Variants in GABRA1 observed in about 807,000 individuals in gnomAD.
The protein encoded by GABRA1 is gamma-aminobutyric acid type A receptor subunit alpha1, also known as gamma-aminobutyric acid receptor subunit alpha-1.
A neutral mutation model predicts 48.9 loss-of-function variants in GABRA1; 9 were observed. That is an observed-to-expected ratio of 0.18 (90% CI 0.11 to 0.32). The LOEUF is 0.32. GABRA1 is among the 10% of genes least tolerant of loss of function. GABRA1 has a pLI of 1.00. For synonymous variants in GABRA1, 210 were observed against 198.7 expected (o/e 1.06, Z -0.48); for missense variants, 285 against 553.8 (o/e 0.51, Z 4.87).
At position 161,871,837 on chromosome 5, in the gene GABRA1, T is replaced by A. The variant is rs1324396417; in HGVS notation, c.256-1280T>A. Among the ~76,000 whole-genome samples the A allele has an allele frequency of 2.0e-5, 3 of 152,262 alleles. No homozygotes were observed. In the East Asian group the frequency reaches 5.8e-4, roughly 29 times the overall value. On this transcript the variant is annotated intron_variant, in intron 4 of 9. Transcript: ENST00000393943. ...TGTTTCTATCTCAGTAAGCAATTAGTACTATATCTGGTGCATTATAATACA... is the reference window on the plus strand; with the variant it reads ...TGTTTCTATCTCAGTAAGCAATTAGAACTATATCTGGTGCATTATAATACA...
At chr5:161,848,998 A>T (rs2113284343) in intron 1 of GABRA1, 1 of 455,412 alleles carries the variant, frequency 2.2e-6, no homozygotes, top group South Asian at 1.5e-5. Context: ...CTGAACACGA[A>T]AACTCAACTT....
intron 3 of GABRA1, among the ~76,000 whole-genome samples, chr5:161,859,159 T>G (rs938453476): frequency 5.3e-5 from 8 of 151,758 alleles, no homozygotes; most frequent in Non-Finnish European, 1.0e-4. Context: ...ACAGCGTCAA[T>G]TAGAAGAGCG....
chr5:161,897,679 A>T lies in GABRA1; in HGVS notation c.*257A>T. The T allele has an allele frequency of 2.2e-6, 1 of 450,290 alleles. No individual in the cohort carries two copies. Among genetic ancestry groups the T allele is most frequent in the Non-Finnish European group, 3.9e-6 (1 of 254,530 alleles). 27.9% of individuals were successfully genotyped at this position (450,290 alleles called of 1,614,324 possible). On this transcript the variant is annotated 3_prime_UTR_variant, in exon 10 of 10. Coordinates refer to ENST00000393943, the MANE Select transcript of GABRA1 (RefSeq NM_001127644.2). ...CAGAAGGAGACAGAATGAGAGAGAA[A>T]AGAGGGGGAAGATGGTTCAAAGATA...
chr5:161,876,113 C>CA (rs1273361174), intron 6 of GABRA1, among the ~76,000 whole-genome samples: 1 of 151,710 alleles, frequency 6.6e-6, no homozygotes, highest in Non-Finnish European at 1.5e-5. Context: ...ACTGATGTTG[C>CA]AAAAAACACA....
At chr5:161,875,971 A>T (rs2113390522) in intron 6 of GABRA1, among the ~76,000 whole-genome samples, 1 of 152,260 alleles carries the variant, frequency 6.6e-6, no homozygotes, top group South Asian at 2.1e-4. Context: ...ATTAATGGAG[A>T]TCATTGTGTC....
In GABRA1 at chr5:161,898,310, A is replaced by G. The variant is rs946320614; in HGVS notation, c.*888A>G. The G allele has an allele frequency of 6.6e-6, 1 of 152,610 alleles. No individual in the cohort carries two copies. Among genetic ancestry groups the G allele is most frequent in the Admixed American group, 6.5e-5 (1 of 15,272 alleles). The allele number at this position is 152,610 out of a possible 1,614,324, so 9.5% of individuals were successfully genotyped here. A position where few individuals can be genotyped will look rare whatever the true frequency, so the allele number is the denominator to read the frequency against. ...ATGAAGATGTTTTTAGAGGGGCAAA[A>G]ATATTTTGCAAGCTCTGGAATTGTT... On this transcript the variant is annotated 3_prime_UTR_variant, in exon 10 of 10. Coordinates refer to ENST00000393943, the MANE Select transcript of GABRA1 (RefSeq NM_001127644.2).
At chr5:161,889,741 G>T (rs755450383) in intron 7 of GABRA1, among the ~76,000 whole-genome samples, 3 of 151,996 alleles carry the variant, frequency 2.0e-5, no homozygotes, top group Non-Finnish European at 4.4e-5. Flanking sequence ...AGGGGCAGCT[G>T]TTTGCTACTG....
intron 1 of GABRA1, chr5:161,848,877 G>C: frequency 4.6e-6 from 2 of 430,414 alleles, no homozygotes; most frequent in Admixed American, 5.1e-5. Context: ...CTGTCTCACT[G>C]TTCCATCATC....
At chr5:161,871,635 A>C (rs1041490203) in intron 4 of GABRA1, among the ~76,000 whole-genome samples, 1 of 152,178 alleles carries the variant, frequency 6.6e-6, no homozygotes, top group Non-Finnish European at 1.5e-5. Context: ...AAGCTTAAAC[A>C]GTCCCTCCTT....
chr5:161,892,308 T>C (rs1157122), intron 8 of GABRA1, among the ~76,000 whole-genome samples: 26,749 of 152,142 alleles, frequency 0.18, 3,101 homozygotes, highest in African/African-American at 0.32. Context: ...AACTGAGGAT[T>C]ATTCACCTGA....
At position 161,897,859 on chromosome 5, in the gene GABRA1, A is replaced by C. The variant is rs1183490302; in HGVS notation, c.*437A>C. ...GGTAAATTATAAATGTTTCATGAAG[A>C]AAAAATTTTAAAAATCTACGTCTTT... On this transcript the variant is annotated 3_prime_UTR_variant, in exon 10 of 10. Coordinates refer to ENST00000393943, the MANE Select transcript of GABRA1 (RefSeq NM_001127644.2). 6.4e-6 allele frequency: 1 copy of C among 156,476 alleles called. No homozygotes were observed. The highest frequency in any genetic ancestry group is 1.4e-5 in the Non-Finnish European group (1 of 70,972). The allele number at this position is 156,476 out of a possible 1,614,324, so 9.7% of individuals were successfully genotyped here.
chr5:161,882,243 T>G, intron 6 of GABRA1: 1 of 388,670 alleles, frequency 2.6e-6, no homozygotes, highest in Non-Finnish European at 4.8e-6. Flanking sequence ...TTATATGTTT[T>G]TGTCCCCACT....
At chr5:161,880,507 TA>T (rs1180811208) in intron 6 of GABRA1, among the ~76,000 whole-genome samples, 1 of 152,206 alleles carries the variant, frequency 6.6e-6, no homozygotes, top group African/African-American at 2.4e-5. Flanking sequence ...ACCATGAGGA[TA>T]ACCACAATTA....
At chr5:161,855,065 C>A (rs1757596698) in intron 3 of GABRA1, among the ~76,000 whole-genome samples, 1 of 151,438 alleles carries the variant, frequency 6.6e-6, no homozygotes, top group Non-Finnish European at 1.5e-5. Context: ...CAAAGTCACA[C>A]AGAAAACCAA....
intron 1 of GABRA1, chr5:161,848,842 A>C (rs1757324005): frequency 2.7e-6 from 1 of 376,356 alleles, no homozygotes; most frequent in Non-Finnish European, 5.2e-6. Context: ...CCATCATCTA[A>C]AGTTAAGACG....
chr5:161,863,166 T>C (rs1757926245), intron 3 of GABRA1, among the ~76,000 whole-genome samples: 1 of 151,916 alleles, frequency 6.6e-6, no homozygotes, highest in Non-Finnish European at 1.5e-5. Context: ...TGTATATATA[T>C]ATATACACAT....
At chr5:161,871,982 G>A (rs1316141158) in intron 4 of GABRA1, among the ~76,000 whole-genome samples, 1 of 152,174 alleles carries the variant, frequency 6.6e-6, no homozygotes, top group Non-Finnish European at 1.5e-5. Flanking sequence ...AAGGAGACAT[G>A]TAGTTAAGTT....
At chr5:161,850,765 G>A (rs1325414045) in intron 1 of GABRA1, 31 bp from the exon 2 acceptor site, 1 of 1,565,988 alleles carries the variant, frequency 6.4e-7, no homozygotes, top group Non-Finnish European at 8.8e-7. Flanking sequence ...TCTTGCTAGA[G>A]ACATTGATCT....
chr5:161,897,671 A>G lies in GABRA1; in HGVS notation c.*249A>G. 2.1e-6 allele frequency: 1 copy of G among 470,982 alleles called. No individual in the cohort carries two copies. 29.2% of individuals were successfully genotyped at this position (470,982 alleles called of 1,614,324 possible). On this transcript the variant is annotated 3_prime_UTR_variant, in exon 10 of 10. Coordinates refer to ENST00000393943, the MANE Select transcript of GABRA1 (RefSeq NM_001127644.2). ...AGTCATGTCAGAAGGAGACAGAATG[A>G]GAGAGAAAAGAGGGGGAAGATGGTT...
Sources: allele counts gnomAD v4.1 joint callset (sites outside exome capture counted in the v4.1 genomes callset), GRCh38; gene constraint gnomAD v4.1.1; transcripts MANE v1.5; gene names NCBI Gene and HGNC (gene_info 2026-07-23, HGNC 2026-07-21).